The following STXBP5L variants were observed in gnomAD, a reference collection of about 807,000 sequenced individuals.
The protein encoded by STXBP5L is syntaxin binding protein 5L, also known as syntaxin-binding protein 5-like.
A neutral mutation model predicts 144.5 loss-of-function variants in STXBP5L; 65 were observed. That is an observed-to-expected ratio of 0.45 (90% CI 0.37 to 0.55). The LOEUF is 0.55. STXBP5L is among the 20% of genes least tolerant of loss of function. STXBP5L has a pLI of 0.00. For synonymous variants in STXBP5L, 505 were observed against 469.6 expected (o/e 1.08, Z -0.97); for missense variants, 1,298 against 1,405.5 (o/e 0.92, Z 1.22).
chr3:121,046,241 C>G (rs1372220670), intron 5 of STXBP5L, among the ~76,000 whole-genome samples: 1 of 152,004 alleles, frequency 6.6e-6, no homozygotes, highest in Non-Finnish European at 1.5e-5. Context: ...TTAGCTTTTT[C>G]ACGTGCTGCA....
intron 2 of STXBP5L, among the ~76,000 whole-genome samples, chr3:120,916,206 A>G (rs1308525474): frequency 6.6e-6 from 1 of 152,204 alleles, no homozygotes; most frequent in Non-Finnish European, 1.5e-5. Flanking sequence ...TTTGAATATA[A>G]TGGTATATAA....
At chr3:121,189,006 A>T (rs1475293367) in intron 9 of STXBP5L, among the ~76,000 whole-genome samples, 1 of 152,246 alleles carries the variant, frequency 6.6e-6, no homozygotes, top group African/African-American at 2.4e-5. Context: ...TTAGGAAAAG[A>T]GGAAGTCAAA....
intron 22 of STXBP5L, among the ~76,000 whole-genome samples, chr3:121,397,353 T>G (rs1373663782): frequency 6.6e-6 from 1 of 152,214 alleles, no homozygotes; most frequent in Non-Finnish European, 1.5e-5. Flanking sequence ...ATTTACCTGA[T>G]TTTTTCTTAA....
chr3:120,997,826 T>A (rs1035427246), intron 3 of STXBP5L, among the ~76,000 whole-genome samples: 3 of 152,108 alleles, frequency 2.0e-5, no homozygotes, highest in Admixed American at 6.6e-5. Context: ...TGCAGAAATA[T>A]AAGCAAATGA....
At chr3:121,093,691 C>A (rs1310301938) in intron 5 of STXBP5L, among the ~76,000 whole-genome samples, 1 of 152,108 alleles carries the variant, frequency 6.6e-6, no homozygotes, top group Non-Finnish European at 1.5e-5. Flanking sequence ...TGCTAGCCGT[C>A]TATCAATTTT....
chr3:121,387,759 C>T (rs1305366481), intron 22 of STXBP5L, among the ~76,000 whole-genome samples: 1 of 152,148 alleles, frequency 6.6e-6, no homozygotes, highest in African/African-American at 2.4e-5. Context: ...TTCCATTGGT[C>T]TATATCTCTG....
intron 19 of STXBP5L, among the ~76,000 whole-genome samples, chr3:121,316,450 T>A (rs1297109500): frequency 6.6e-6 from 1 of 152,232 alleles, no homozygotes; most frequent in Admixed American, 6.5e-5. Context: ...ATATACATCA[T>A]GCTTTCTTAC....
intron 14 of STXBP5L, among the ~76,000 whole-genome samples, chr3:121,243,445 C>A (rs1432096246): frequency 1.3e-5 from 2 of 150,314 alleles, no homozygotes; most frequent in Non-Finnish European, 2.9e-5. Context: ...GTTCCCTGTA[C>A]AAAGTCAGTC....
chr3:121,139,112 T>C (rs947953685), intron 7 of STXBP5L, among the ~76,000 whole-genome samples: 11 of 151,958 alleles, frequency 7.2e-5, no homozygotes, highest in Non-Finnish European at 1.3e-4. Flanking sequence ...AAGGGAGAAG[T>C]TGGTTAATGG....
intron 5 of STXBP5L, among the ~76,000 whole-genome samples, chr3:121,047,300 T>C (rs768990177): frequency 6.6e-6 from 1 of 152,134 alleles, no homozygotes; most frequent in African/African-American, 2.4e-5. Context: ...GTATGTGCTA[T>C]GTACAGATAA....
intron 5 of STXBP5L, among the ~76,000 whole-genome samples, chr3:121,085,395 A>T (rs1179712106): frequency 1.3e-5 from 2 of 152,182 alleles, no homozygotes; most frequent in African/African-American, 4.8e-5. Flanking sequence ...CTGTTTGAAG[A>T]TAACATGATC....
chr3:120,953,743 T>C (rs983290414), intron 2 of STXBP5L, among the ~76,000 whole-genome samples: 8 of 152,146 alleles, frequency 5.3e-5, no homozygotes, highest in African/African-American at 1.9e-4. Context: ...TTATACAAAA[T>C]TGTGTTCCTT....
intron 11 of STXBP5L, among the ~76,000 whole-genome samples, chr3:121,232,476 A>G (rs559255230): frequency 1.6e-4 from 24 of 152,296 alleles, no homozygotes; most frequent in African/African-American, 5.3e-4. Flanking sequence ...AAAAGCACCA[A>G]AAGTCAGCAG....
chr3:121,257,064 C>T (rs923846341), intron 16 of STXBP5L, 97 bp from the exon 17 acceptor site: 1 of 910,826 alleles, frequency 1.1e-6, no homozygotes, highest in African/African-American at 1.7e-5. Flanking sequence ...AAAAAGTTAT[C>T]AGGTATTTTA....
At chr3:121,025,506 G>T (rs1291141113) in intron 3 of STXBP5L, among the ~76,000 whole-genome samples, 1 of 152,094 alleles carries the variant, frequency 6.6e-6, no homozygotes, top group African/African-American at 2.4e-5. Context: ...TGAAGCTGAA[G>T]CATAGCTGCT....
intron 3 of STXBP5L, among the ~76,000 whole-genome samples, chr3:120,991,659 T>G (rs1942888135): frequency 6.6e-6 from 1 of 152,170 alleles, no homozygotes; most frequent in Non-Finnish European, 1.5e-5. Flanking sequence ...CCATAAAAAA[T>G]GATGAGTTCA....
chr3:121,143,181 C>G (rs2045576692), intron 7 of STXBP5L, among the ~76,000 whole-genome samples: 1 of 150,540 alleles, frequency 6.6e-6, no homozygotes, highest in African/African-American at 2.4e-5. Context: ...CGTCTAAGAA[C>G]TAGTATAGAG....
intron 10 of STXBP5L, among the ~76,000 whole-genome samples, chr3:121,210,475 T>G (rs1049192437): frequency 2.6e-5 from 4 of 152,176 alleles, no homozygotes; most frequent in Non-Finnish European, 5.9e-5. Flanking sequence ...TTGCCATTGC[T>G]TTTGGTGTTT....
At chr3:121,284,773 T>G (rs2051175050) in intron 19 of STXBP5L, among the ~76,000 whole-genome samples, 1 of 152,064 alleles carries the variant, frequency 6.6e-6, no homozygotes, top group South Asian at 2.1e-4. Flanking sequence ...ACGTTTTAAG[T>G]CAGAAGTAAA....
Sources: allele counts gnomAD v4.1 joint callset (sites outside exome capture counted in the v4.1 genomes callset), GRCh38; gene constraint gnomAD v4.1.1; transcripts MANE v1.5; gene names NCBI Gene and HGNC (gene_info 2026-07-23, HGNC 2026-07-21).